Variants in MAGI2 observed in about 807,000 individuals in gnomAD.
The protein encoded by MAGI2 is membrane-associated guanylate kinase, WW and PDZ domain-containing protein 2.
A neutral mutation model predicts 133.3 loss-of-function variants in MAGI2; 35 were observed. The observed-to-expected ratio is 0.26, with a 90% confidence interval of 0.20 to 0.35. The LOEUF (loss-of-function observed/expected upper bound fraction) is 0.35. MAGI2 is among the 10% of genes least tolerant of loss of function. The probability of loss-of-function intolerance (pLI) is 1.00; values close to 1 mark genes in which losing one functional copy is unlikely to be tolerated. For missense variants in MAGI2, 1,636 were observed against 1,863.4 expected, an observed-to-expected ratio of 0.88 and a Z score of 2.25; for synonymous variants, 729 against 710.6, an observed-to-expected ratio of 1.03 and a Z score of -0.41.
chr7:78,199,709 C>T (rs984255788), intron 11 of MAGI2, among the ~76,000 whole-genome samples: 4 of 152,160 alleles, frequency 2.6e-5, no homozygotes, highest in Admixed American at 6.5e-5. Context: ...TTTGTCTATG[C>T]CGTGGAAGTC....
In MAGI2 at chr7:78,070,174, C is replaced by CATAT. The variant is rs57714371; in HGVS notation, c.3706+8769_3706+8772dup. Among the ~76,000 whole-genome samples, 399 of 56,356 alleles carry CATAT rather than the reference C, an allele frequency of 7.1e-3. 1 individual carries two copies. The highest frequency in any genetic ancestry group is 0.015 in the South Asian group (21 of 1,358). The allele number at this position is 56,356 out of a possible 152,430, so 37.0% of individuals were successfully genotyped here. ...ACACACATATATATACACACACACA[C>CATAT]ATATATATATATATATATATATATA... On this transcript the variant is annotated intron_variant, in intron 21 of 21. Transcript: ENST00000354212.
At chr7:79,406,496 T>C (rs1428992031) in intron 1 of MAGI2, among the ~76,000 whole-genome samples, 2 of 152,144 alleles carry the variant, frequency 1.3e-5, no homozygotes, top group Non-Finnish European at 2.9e-5. Flanking sequence ...AGAGATTTGG[T>C]TGCATTGTAA....
intron 2 of MAGI2, among the ~76,000 whole-genome samples, chr7:78,865,367 C>A (rs1261808569): frequency 6.6e-6 from 1 of 151,834 alleles, no homozygotes; most frequent in Non-Finnish European, 1.5e-5. Context: ...TCAAGGAGCT[C>A]TTAAAGGAAA....
At chr7:78,268,263 TATTA>T (rs1794211368) in intron 9 of MAGI2, among the ~76,000 whole-genome samples, 1 of 152,266 alleles carries the variant, frequency 6.6e-6, no homozygotes, top group African/African-American at 2.4e-5. Flanking sequence ...TGTGGTGGCA[TATTA>T]ATTGAAAAGC....
intron 21 of MAGI2, among the ~76,000 whole-genome samples, chr7:78,045,864 T>C (rs1811367364): frequency 6.6e-6 from 1 of 152,314 alleles, no homozygotes; most frequent in African/African-American, 2.4e-5. Context: ...AACTTTTCCC[T>C]GCCAGCAGCC....
chr7:79,125,319 G>T, intron 1 of MAGI2: 1 of 463,100 alleles, frequency 2.2e-6, no homozygotes. Flanking sequence ...CCAGAGGTTG[G>T]CATGGTTCTG....
chr7:78,414,544 A>C (rs984972149), intron 6 of MAGI2, among the ~76,000 whole-genome samples: 69 of 152,154 alleles, frequency 4.5e-4, no homozygotes, highest in African/African-American at 1.7e-3. Flanking sequence ...AATAACTCCT[A>C]ATTTTAAAAG....
intron 1 of MAGI2, among the ~76,000 whole-genome samples, chr7:79,391,564 C>T (rs5004291): frequency 0.27 from 13,225 of 48,768 alleles, 1,213 homozygotes; most frequent in East Asian, 0.53. Context: ...TATATATATA[C>T]ACACTTTACT....
chr7:78,820,469 A>G (rs1304221030), intron 2 of MAGI2, among the ~76,000 whole-genome samples: 1 of 151,944 alleles, frequency 6.6e-6, no homozygotes, highest in Non-Finnish European at 1.5e-5. Context: ...GTGATTTTAA[A>G]ATGAAGTTAT....
intron 18 of MAGI2, among the ~76,000 whole-genome samples, chr7:78,131,507 G>A (rs1821558213): frequency 6.6e-6 from 1 of 152,194 alleles, no homozygotes; most frequent in African/African-American, 2.4e-5. Flanking sequence ...ATCATGGGAG[G>A]AGAGGGATGG....
At chr7:78,084,453 C>T (rs1816395047) in intron 20 of MAGI2, among the ~76,000 whole-genome samples, 1 of 152,138 alleles carries the variant, frequency 6.6e-6, no homozygotes, top group Admixed American at 6.5e-5. Flanking sequence ...TGCCTTTCAG[C>T]GATAGTAAAC....
intron 10 of MAGI2, among the ~76,000 whole-genome samples, chr7:78,202,893 G>A (rs1468503403): frequency 2.6e-5 from 4 of 151,900 alleles, no homozygotes; most frequent in African/African-American, 9.7e-5. Context: ...TGGTTCATAA[G>A]GATTTAATCG....
chr7:78,077,897 T>G (rs1418792738), intron 21 of MAGI2, among the ~76,000 whole-genome samples: 1 of 151,856 alleles, frequency 6.6e-6, no homozygotes, highest in Non-Finnish European at 1.5e-5. Flanking sequence ...GCCTGGCTAA[T>G]TTTGTATTTT....
At chr7:78,328,502 A>AACACACACACACACAC (rs1554346526) in intron 9 of MAGI2, among the ~76,000 whole-genome samples, 3,910 of 105,090 alleles carry the variant, frequency 0.037, 126 homozygotes, top group South Asian at 0.052. Context: ...CCAGCTCTAA[A>AACACACACACACACAC]ACACACACAC....
intron 2 of MAGI2, among the ~76,000 whole-genome samples, chr7:78,677,742 C>G (rs190036487): frequency 8.6e-4 from 131 of 152,136 alleles, no homozygotes; most frequent in African/African-American, 3.0e-3. Flanking sequence ...ATAATTTCGT[C>G]CAATCCTCTT....
chr7:78,989,661 C>T (rs1375592029), intron 2 of MAGI2, among the ~76,000 whole-genome samples: 1 of 152,000 alleles, frequency 6.6e-6, no homozygotes, highest in East Asian at 1.9e-4. Context: ...TATATAATTC[C>T]AACCTGTTTT....
chr7:78,507,315 A>G (rs1795174252), intron 4 of MAGI2, among the ~76,000 whole-genome samples: 1 of 152,194 alleles, frequency 6.6e-6, no homozygotes, highest in African/African-American at 2.4e-5. Context: ...TTCTGGCAAA[A>G]CCCAGAGGAC....
chr7:78,046,906 T>C (rs1037683729), intron 21 of MAGI2, among the ~76,000 whole-genome samples: 3 of 152,236 alleles, frequency 2.0e-5, no homozygotes, highest in African/African-American at 7.2e-5. Flanking sequence ...AAAACATATA[T>C]GGACTGAATA....
chr7:79,146,147 A>G (rs1822594848), intron 1 of MAGI2, among the ~76,000 whole-genome samples: 1 of 152,208 alleles, frequency 6.6e-6, no homozygotes, highest in Admixed American at 6.5e-5. Flanking sequence ...CATTTGAGAA[A>G]AGTGCTTATT....
Sources: allele counts gnomAD v4.1 joint callset (sites outside exome capture counted in the v4.1 genomes callset), GRCh38; gene constraint gnomAD v4.1.1; transcripts MANE v1.5; gene names NCBI Gene and HGNC (gene_info 2026-07-23, HGNC 2026-07-21).